PRKN: variants seen among roughly 807,000 people sequenced by gnomAD.
PRKN encodes parkin RBR E3 ubiquitin protein ligase.
Under a neutral mutation model 59.5 loss-of-function variants are expected in PRKN, and 56 were observed. That is an observed-to-expected ratio of 0.94 (90% CI 0.76 to 1.18). The LOEUF is 1.18. Ranked by LOEUF, PRKN falls within the 50% of genes most tolerant of loss-of-function variation. The pLI is 0.00. For missense variants in PRKN, 657 were observed against 596.4 expected (o/e 1.10, Z -1.06); for synonymous variants, 250 against 222.1 (o/e 1.13, Z -1.12).
At chr6:162,068,862 T>C (rs9458446) in intron 4 of PRKN, among the ~76,000 whole-genome samples, 1,750 of 152,134 alleles carry the variant, frequency 0.012, 32 homozygotes, top group African/African-American at 0.04. Context: ...GTCATCTTCA[T>C]GTCTGTCCAT....
At chr6:161,867,802 C>A (rs1437576560) in intron 6 of PRKN, among the ~76,000 whole-genome samples, 1 of 144,620 alleles carries the variant, frequency 6.9e-6, no homozygotes, top group Non-Finnish European at 1.5e-5. Context: ...ACTCTGTCAC[C>A]CAGGCTGGAG....
At chr6:161,840,461 T>G (rs1351689812) in intron 6 of PRKN, among the ~76,000 whole-genome samples, 1 of 152,198 alleles carries the variant, frequency 6.6e-6, no homozygotes, top group Non-Finnish European at 1.5e-5. Flanking sequence ...TTTTAACAAG[T>G]TCAGGGGTAC....
intron 2 of PRKN, among the ~76,000 whole-genome samples, chr6:162,356,811 A>C (rs533759924): frequency 1.2e-4 from 18 of 151,706 alleles, no homozygotes; most frequent in South Asian, 6.2e-4. Context: ...GATCCCAGAA[A>C]TAGATCCACA....
intron 2 of PRKN, among the ~76,000 whole-genome samples, chr6:162,279,717 T>C (rs900668013): frequency 6.6e-6 from 1 of 152,176 alleles, no homozygotes; most frequent in Non-Finnish European, 1.5e-5. Context: ...GTTCAAGTCC[T>C]GAATAACCTT....
chr6:162,141,004 C>T (rs1480639458), intron 4 of PRKN, among the ~76,000 whole-genome samples: 1 of 151,968 alleles, frequency 6.6e-6, no homozygotes, highest in African/African-American at 2.4e-5. Context: ...GTGGCGGGCG[C>T]TTATAGTCCC....
rs532133521 is a variant in PRKN, at chr6:161,996,116, A to C, written c.619-22699T>G. On this transcript the variant is annotated intron_variant, in intron 5 of 11. Transcript: ENST00000366898. ...ATGTTTATTGTAGCACAATAGGTCA[A>C]GATATGGAGTCAACCTGTGTAAATC... is the stretch of plus-strand genomic sequence containing the variant. Among the ~76,000 whole-genome samples the C allele has an allele frequency of 3.9e-5, 6 of 152,296 alleles. No individual in the cohort carries two copies. The East Asian group carries it at 1.2e-3, about 29-fold the overall frequency.
rs1778008331 is a variant in PRKN, at chr6:161,502,761, G to A, written c.1083+46093C>T. ...AGCAGTGTCGGTGAGGGTATGAGGT[G>A]GCTCTGATCCATGCTCTACGGTGAA... On this transcript the variant is annotated intron_variant, in intron 9 of 11. Transcript: ENST00000366898. The surrounding 1 kb of genome is among the most constrained non-coding windows in gnomAD (Gnocchi z 4.0). Among the ~76,000 whole-genome samples the A allele has an allele frequency of 1.3e-5, 2 of 152,124 alleles. No individual in the cohort carries two copies. The highest frequency in any genetic ancestry group is 4.8e-5 in the African/African-American group (2 of 41,422).
chr6:161,575,077 ACC>A lies in PRKN; in HGVS notation c.872-5663_872-5662del, dbSNP rs1407570436. On this transcript the variant is annotated intron_variant, in intron 7 of 11. Coordinates refer to ENST00000366898, the MANE Select transcript of PRKN (RefSeq NM_004562.3). The surrounding 1 kb of genome is among the most constrained non-coding windows in gnomAD (Gnocchi z 4.6). ...GTCGTGTTTTTCCTCTAGTTATTAA[ACC>A]CATCACTCAACTGTTGCCTGTGTTT... 6.6e-6 allele frequency among the ~76,000 whole-genome samples: 1 copy of A among 151,978 alleles called. No homozygotes were observed. Among genetic ancestry groups the A allele is most frequent in the Non-Finnish European group, 1.5e-5 (1 of 67,998 alleles).
chr6:161,479,421 T>C (rs1054969469), intron 9 of PRKN, among the ~76,000 whole-genome samples: 2 of 152,236 alleles, frequency 1.3e-5, no homozygotes, highest in Non-Finnish European at 2.9e-5. Flanking sequence ...AACTTTCTAC[T>C]TTTTCATTTT....
chr6:161,468,831 C>T lies in PRKN; in HGVS notation c.1083+80023G>A, dbSNP rs1204293555. 6.6e-6 allele frequency among the ~76,000 whole-genome samples: 1 copy of T among 152,196 alleles called. No homozygotes were observed. The highest frequency in any genetic ancestry group is 1.5e-5 in the Non-Finnish European group (1 of 68,030). On this transcript the variant is annotated intron_variant, in intron 9 of 11. Coordinates refer to ENST00000366898, the MANE Select transcript of PRKN (RefSeq NM_004562.3). The surrounding 1 kb of genome is among the most constrained non-coding windows in gnomAD (Gnocchi z 5.9). ...CCTTGTGGCCACAGTTGAAGGCCCT[C>T]ATGCTCACTGTCAGCCTATACACCT...
intron 2 of PRKN, among the ~76,000 whole-genome samples, chr6:162,318,922 C>A (rs1168825094): frequency 6.6e-6 from 1 of 151,848 alleles, no homozygotes; most frequent in Non-Finnish European, 1.5e-5. Context: ...ATAGAATAAA[C>A]GGTTAAGTGT....
intron 1 of PRKN, among the ~76,000 whole-genome samples, chr6:162,458,993 GT>G (rs895597885): frequency 8.6e-5 from 13 of 151,944 alleles, no homozygotes; most frequent in Non-Finnish European, 1.9e-4. Flanking sequence ...GCTAATTTTT[GT>G]TTTTTTAGTA....
intron 7 of PRKN, among the ~76,000 whole-genome samples, chr6:161,755,910 T>C (rs1408290573): frequency 6.6e-6 from 1 of 152,020 alleles, no homozygotes; most frequent in Non-Finnish European, 1.5e-5. Flanking sequence ...CTGTTGCCAA[T>C]AGACAGTGGG....
intron 3 of PRKN, among the ~76,000 whole-genome samples, chr6:162,239,310 G>A (rs1324271816): frequency 1.3e-5 from 2 of 151,950 alleles, no homozygotes; most frequent in East Asian, 3.9e-4. Context: ...ATTTTTCCTG[G>A]CTCTAATTTG....
chr6:162,291,963 T>G (rs910950106), intron 2 of PRKN, among the ~76,000 whole-genome samples: 2 of 30,898 alleles, frequency 6.5e-5, no homozygotes, highest in South Asian at 3.2e-3. Context: ...TTATTATTGT[T>G]TTTTTTTTTT....
intron 4 of PRKN, among the ~76,000 whole-genome samples, chr6:162,173,087 G>A (rs528438192): frequency 6.6e-6 from 1 of 152,298 alleles, no homozygotes; most frequent in Non-Finnish European, 1.5e-5. Flanking sequence ...ATTTCTCAAT[G>A]CCTGGCACCT....
rs149617909 is a variant in PRKN at position 162,667,291 on chromosome 6, C to T, written c.7+60371G>A. 1.0e-3 allele frequency among the ~76,000 whole-genome samples: 153 copies of T among 152,040 alleles called. 1 individual carries two copies. The highest frequency in any genetic ancestry group is 3.5e-3 in the African/African-American group (145 of 41,524). On this transcript the variant is annotated intron_variant, in intron 1 of 11. Coordinates refer to ENST00000366898, the MANE Select transcript of PRKN (RefSeq NM_004562.3). ...TTGCTAGATCAGAATGCAAAGCCAG[C>T]CAGAAGATTTTTTACAATTTTAAAC...
chr6:161,756,314 C>T (rs538085684), intron 7 of PRKN, among the ~76,000 whole-genome samples: 1 of 151,906 alleles, frequency 6.6e-6, no homozygotes, highest in South Asian at 2.1e-4. Flanking sequence ...TGGTCGTGCA[C>T]ACCCGTAATC....
intron 2 of PRKN, among the ~76,000 whole-genome samples, chr6:162,303,266 T>C (rs572953584): frequency 1.7e-4 from 26 of 152,312 alleles, no homozygotes; most frequent in African/African-American, 6.3e-4. Context: ...ATTCCTGCCA[T>C]TGAAACTTAC....
Sources: allele counts gnomAD v4.1 joint callset (sites outside exome capture counted in the v4.1 genomes callset), GRCh38; gene constraint gnomAD v4.1.1; non-coding constraint Gnocchi (gnomAD v3.1); transcripts MANE v1.5; gene names NCBI Gene and HGNC (gene_info 2026-07-23, HGNC 2026-07-21).